LHX6: variants seen among roughly 807,000 people sequenced by gnomAD.
LHX6 encodes LIM/homeobox protein Lhx6.
A neutral mutation model predicts 47.1 loss-of-function variants in LHX6; 15 were observed. The observed-to-expected ratio is 0.32, with a 90% confidence interval of 0.21 to 0.49. The LOEUF is 0.49. Among genes scored for constraint, LHX6 ranks in the 20% least tolerant of loss-of-function variants. The pLI is 0.99. For missense variants in LHX6, 404 were observed against 539.6 expected (o/e 0.75, Z 2.49); for synonymous variants, 242 against 233.5 (o/e 1.04, Z -0.33).
chr9:122,226,558 G>A lies in LHX6; in HGVS notation c.340-61C>T. ...CGGGCCTCTTTCACTCCGGGCCCCA[G>A]CCTTCCCGGTCTCATTTACAGTCAG... On this transcript the variant is annotated intron_variant, in intron 3 of 9. Transcript: ENST00000394319. This position sits in a 1 kb window ranked among gnomAD's most constrained non-coding sequence, Gnocchi z 6.5. 1 of 1,576,056 alleles carries A rather than the reference G, an allele frequency of 6.3e-7. No homozygotes were observed. Among genetic ancestry groups the A allele is most frequent in the Non-Finnish European group, 8.6e-7 (1 of 1,167,668 alleles).
In LHX6 at chr9:122,226,552, G is replaced by A. The variant is rs1240331900; in HGVS notation, c.340-55C>T. ...TCAGCGCGGGCCTCTTTCACTCCGG[G>A]CCCCAGCCTTCCCGGTCTCATTTAC... is the stretch of plus-strand genomic sequence containing the variant. On this transcript the variant is annotated intron_variant, in intron 3 of 9. Coordinates refer to ENST00000394319, the MANE Select transcript of LHX6 (RefSeq NM_014368.5). The surrounding 1 kb of genome is among the most constrained non-coding windows in gnomAD (Gnocchi z 6.5). The A allele has an allele frequency of 8.2e-6, 13 of 1,580,374 alleles. No homozygotes were observed. The highest frequency in any genetic ancestry group is 1.0e-5 in the Non-Finnish European group (12 of 1,169,256).
At chr9:122,207,869 C>G (rs1024715812) in intron 9 of LHX6, among the ~76,000 whole-genome samples, 1 of 152,184 alleles carries the variant, frequency 6.6e-6, no homozygotes, top group Non-Finnish European at 1.5e-5. Context: ...AACAGACTCT[C>G]TGAGAGCGAG....
At chr9:122,219,966 C>T (rs1830774026) in intron 4 of LHX6, among the ~76,000 whole-genome samples, 1 of 152,228 alleles carries the variant, frequency 6.6e-6, no homozygotes, top group Non-Finnish European at 1.5e-5. Flanking sequence ...GCGGTGAGTG[C>T]GTCCTCAGGG....
At chr9:122,218,147 G>T (rs1830666769) in intron 4 of LHX6, among the ~76,000 whole-genome samples, 1 of 152,126 alleles carries the variant, frequency 6.6e-6, no homozygotes, top group African/African-American at 2.4e-5. Context: ...GGGTGCAGCT[G>T]CCTCCAACAC....
chr9:122,228,788 G>A lies in LHX6; in HGVS notation c.-48C>T, dbSNP rs1479800880. The A allele has an allele frequency of 8.4e-7, 1 of 1,186,574 alleles. No individual in the cohort carries two copies. The allele number at this position is 1,186,574 out of a possible 1,614,324, so 73.5% of individuals were successfully genotyped here. ...GCGGGCGCGCAGCGCGGAGAGCTGC[G>A]CCGAGGGGGACCACAGCCGCAGTGG... On this transcript the variant is annotated 5_prime_UTR_variant, in exon 1 of 10. Transcript: ENST00000394319.
chr9:122,205,466 T>A (rs1009721108), intron 9 of LHX6, among the ~76,000 whole-genome samples: 1 of 152,166 alleles, frequency 6.6e-6, no homozygotes, highest in Admixed American at 6.5e-5. Context: ...CCTCTAGCAC[T>A]TGGTTGACAT....
At chr9:122,220,134 C>G (rs1374034254) in intron 4 of LHX6, among the ~76,000 whole-genome samples, 1 of 152,218 alleles carries the variant, frequency 6.6e-6, no homozygotes, top group Non-Finnish European at 1.5e-5. Flanking sequence ...CGCGAGTCCC[C>G]GACGCCCGAG....
At chr9:122,227,695 CT>C (rs1831171154) in intron 1 of LHX6, 1 of 1,021,460 alleles carries the variant, frequency 9.8e-7, no homozygotes, top group African/African-American at 1.7e-5. Flanking sequence ...CTCTCTCCCC[CT>C]CTCCCTGCAC....
Position 122,226,539 on chromosome 9 carries a change from T to C in LHX6, c.340-42A>G. 1 of 1,595,518 alleles carries C rather than the reference T, an allele frequency of 6.3e-7. No individual in the cohort carries two copies. Among genetic ancestry groups the C allele is most frequent in the Non-Finnish European group, 8.5e-7 (1 of 1,174,088 alleles). On this transcript the variant is annotated intron_variant, in intron 3 of 9. Transcript: ENST00000394319. This position sits in a 1 kb window ranked among gnomAD's most constrained non-coding sequence, Gnocchi z 6.5. ...GACGGAGGTCGGCTCAGCGCGGGCCTCTTTCACTCCGGGCCCCAGCCTTCC... is the reference window on the plus strand; with the variant it reads ...GACGGAGGTCGGCTCAGCGCGGGCCCCTTTCACTCCGGGCCCCAGCCTTCC...
In LHX6 at chr9:122,213,938, C is replaced by T; in HGVS notation, c.879+36G>A. ...GCCCAGCTACGAGCTCCGGGGCGTG[C>T]CCGCGGTCCCCAGGCCCCGCCCACC... On this transcript the variant is annotated intron_variant, in intron 7 of 9. Coordinates refer to ENST00000394319, the MANE Select transcript of LHX6 (RefSeq NM_014368.5). This position sits in a 1 kb window ranked among gnomAD's most constrained non-coding sequence, Gnocchi z 5.5. The T allele has an allele frequency of 6.6e-7, 1 of 1,524,012 alleles. No homozygotes were observed. 94.4% of individuals were successfully genotyped at this position (1,524,012 alleles called of 1,614,324 possible). A position where few individuals can be genotyped will look rare whatever the true frequency, so the allele number is the denominator to read the frequency against.
rs1831117063 is a variant in LHX6 at position 122,226,701 on chromosome 9, A to C, written c.339+147T>G. On this transcript the variant is annotated intron_variant, in intron 3 of 9. Coordinates refer to ENST00000394319, the MANE Select transcript of LHX6 (RefSeq NM_014368.5). This position sits in a 1 kb window ranked among gnomAD's most constrained non-coding sequence, Gnocchi z 6.5. ...TCAGACGGAACCCGGGGGCTCAGGC[A>C]GACCCTAAGTCTTGCCCAAAGCTTC... The C allele has an allele frequency of 9.9e-6, 12 of 1,217,776 alleles. No homozygotes were observed. The highest frequency in any genetic ancestry group is 1.3e-5 in the Non-Finnish European group (12 of 896,406). The allele number at this position is 1,217,776 out of a possible 1,614,324, so 75.4% of individuals were successfully genotyped here.
intron 4 of LHX6, among the ~76,000 whole-genome samples, chr9:122,219,727 C>G (rs1830758700): frequency 1.3e-5 from 2 of 152,060 alleles, no homozygotes; most frequent in African/African-American, 4.8e-5. Flanking sequence ...TCAGAGCCGG[C>G]GAGTGATTTG....
At chr9:122,228,629 C>T in intron 1 of LHX6, 28 bp downstream of exon 1, 1 of 1,306,204 alleles carries the variant, frequency 7.7e-7, no homozygotes, top group South Asian at 2.2e-5. Context: ...CCGGCCCGGG[C>T]CGCTCACCCA....
intron 4 of LHX6, among the ~76,000 whole-genome samples, chr9:122,223,226 A>T (rs1227083940): frequency 2.6e-5 from 4 of 152,210 alleles, no homozygotes. Context: ...AATGATCAGA[A>T]GAGCCACAAT....
At chr9:122,221,476 C>A in intron 4 of LHX6, 1 of 985,512 alleles carries the variant, frequency 1.0e-6, no homozygotes, top group Non-Finnish European at 1.2e-6. Context: ...GGGCTCAAGG[C>A]GGAGGGCCAG....
Position 122,213,872 on chromosome 9 carries a change from G to A in LHX6, c.880-92C>T, listed in dbSNP as rs756753788. On this transcript the variant is annotated intron_variant, in intron 7 of 9. Transcript: ENST00000394319. The surrounding 1 kb of genome is among the most constrained non-coding windows in gnomAD (Gnocchi z 5.5). Reference sequence around the variant, plus strand: ...AGGCGGGACTGCCTCGTCGCCTCCTGGAGAAGGATGGCCACGTGCACGCAC... The same window carrying A: ...AGGCGGGACTGCCTCGTCGCCTCCTAGAGAAGGATGGCCACGTGCACGCAC... The A allele has an allele frequency of 8.6e-6, 13 of 1,514,372 alleles. No individual in the cohort carries two copies. The African/African-American group carries it at 1.6e-4, about 19-fold the overall frequency. 93.8% of individuals were successfully genotyped at this position (1,514,372 alleles called of 1,614,324 possible).
intron 8 of LHX6, among the ~76,000 whole-genome samples, chr9:122,210,348 C>T (rs764551833): frequency 1.3e-4 from 20 of 152,212 alleles, no homozygotes; most frequent in Non-Finnish European, 2.8e-4. Context: ...CCTGCCTATT[C>T]AGGCCCTGCA....
Position 122,228,338 on chromosome 9 carries a change from C to G in LHX6, c.84+319G>C, listed in dbSNP as rs909859923. On this transcript the variant is annotated intron_variant, in intron 1 of 9. Transcript: ENST00000394319. ...CGCGTCGGGATTCTCAGCGCTGCGC[C>G]GGCACAACCCCCGGCGCATCGGCGC... 3.3e-6 allele frequency: 5 copies of G among 1,533,482 alleles called. No homozygotes were observed. In the East Asian group the frequency reaches 7.4e-5, roughly 23 times the overall value. The allele number at this position is 1,533,482 out of a possible 1,614,324, so 95.0% of individuals were successfully genotyped here.
chr9:122,226,154 C>T lies in LHX6; in HGVS notation c.461+222G>A, dbSNP rs940429836. 6.6e-6 allele frequency among the ~76,000 whole-genome samples: 1 copy of T among 152,214 alleles called. No homozygotes were observed. Among genetic ancestry groups the T allele is most frequent in the East Asian group, 1.9e-4 (1 of 5,184 alleles). ...CCGAAACCCAATGGACCGCGAGGAC[C>T]GAAGGCAGATCCGGGGCGCAAACCT... On this transcript the variant is annotated intron_variant, in intron 4 of 9. Transcript: ENST00000394319. The surrounding 1 kb of genome is among the most constrained non-coding windows in gnomAD (Gnocchi z 6.5).
Sources: allele counts gnomAD v4.1 joint callset (sites outside exome capture counted in the v4.1 genomes callset), GRCh38; gene constraint gnomAD v4.1.1; non-coding constraint Gnocchi (gnomAD v3.1); transcripts MANE v1.5; gene names NCBI Gene and HGNC (gene_info 2026-07-23, HGNC 2026-07-21).